The following DENND5B variants were observed in gnomAD, a reference collection of about 807,000 sequenced individuals.
The protein encoded by DENND5B is DENN domain-containing protein 5B.
A neutral mutation model predicts 140.6 loss-of-function variants in DENND5B; 34 were observed. That is an observed-to-expected ratio of 0.24 (90% CI 0.18 to 0.32). The LOEUF is 0.32. Among genes scored for constraint, DENND5B ranks in the 10% least tolerant of loss-of-function variants. The pLI, the probability that DENND5B is intolerant of heterozygous loss-of-function variation, is 1.00. For missense variants in DENND5B, 1,142 were observed against 1,560.2 expected (o/e 0.73, Z 4.52); for synonymous variants, 551 against 562.1 (o/e 0.98, Z 0.28).
chr12:31,501,371 CTG>C (rs1188548473), intron 1 of DENND5B, among the ~76,000 whole-genome samples: 2 of 152,234 alleles, frequency 1.3e-5, no homozygotes, highest in African/African-American at 2.4e-5. Context: ...CCCTATGGAA[CTG>C]TGAGTCAATT....
At chr12:31,492,829 A>G (rs555410872) in intron 2 of DENND5B, among the ~76,000 whole-genome samples, 1 of 152,228 alleles carries the variant, frequency 6.6e-6, no homozygotes, top group Non-Finnish European at 1.5e-5. Context: ...GTTCTACATA[A>G]TATCTATAGT....
chr12:31,526,059 T>C (rs1948073528), intron 1 of DENND5B, among the ~76,000 whole-genome samples: 1 of 152,180 alleles, frequency 6.6e-6, no homozygotes, highest in South Asian at 2.1e-4. Flanking sequence ...CTTCTCCCTA[T>C]TTCTCACCTC....
At chr12:31,451,413 T>C (rs35545963) in intron 5 of DENND5B, among the ~76,000 whole-genome samples, 20,200 of 152,056 alleles carry the variant, frequency 0.13, 1,604 homozygotes, top group Non-Finnish European at 0.18. Flanking sequence ...AACCTCTGCC[T>C]CCCGGGTTCA....
chr12:31,583,217 G>A (rs572390357), intron 1 of DENND5B, among the ~76,000 whole-genome samples: 24 of 152,022 alleles, frequency 1.6e-4, no homozygotes, highest in East Asian at 5.8e-4. Context: ...ACTTGAACCC[G>A]GGAGGCGGAG....
At chr12:31,445,291 C>G (rs1310125719) in intron 6 of DENND5B, among the ~76,000 whole-genome samples, 1 of 152,188 alleles carries the variant, frequency 6.6e-6, no homozygotes, top group Non-Finnish European at 1.5e-5. Context: ...GAAATCAGAC[C>G]TGGATTCAAA....
intron 1 of DENND5B, among the ~76,000 whole-genome samples, chr12:31,587,962 T>C (rs1162076694): frequency 6.6e-6 from 1 of 152,216 alleles, no homozygotes; most frequent in Non-Finnish European, 1.5e-5. Flanking sequence ...ACATCAGATC[T>C]TGTCATTACT....
In DENND5B at chr12:31,423,635, T is replaced by C. The variant is rs200952512; in HGVS notation, c.2432A>G (p.Asp811Gly). 6.2e-7 allele frequency: 1 copy of C among 1,613,960 alleles called. No individual in the cohort carries two copies. The highest frequency in any genetic ancestry group is 2.2e-5 in the East Asian group (1 of 44,862). The part of the protein sequence containing the change: ...ALWSHLIQFQ[D>G]REEKQEHLAE... ...AAGGTGCTCTTGTTTCTCTTCTCTG[T>C]CCTGAAATTGAATTAAATGTGACCA... Residue 811 changes from aspartate to glycine, a missense_variant, in exon 11 of 21, where the codon GAC becomes GGC. By Grantham distance (94) the Asp-to-Gly change is moderately conservative. Transcript: ENST00000389082.
chr12:31,553,917 T>C (rs1008557409), intron 1 of DENND5B, among the ~76,000 whole-genome samples: 13 of 152,182 alleles, frequency 8.5e-5, no homozygotes, highest in Non-Finnish European at 1.3e-4. Flanking sequence ...ATTTGCTTGG[T>C]AGATCTTCCT....
At chr12:31,567,972 G>A (rs1319654510) in intron 1 of DENND5B, among the ~76,000 whole-genome samples, 3 of 152,094 alleles carry the variant, frequency 2.0e-5, no homozygotes, top group Admixed American at 1.3e-4. Flanking sequence ...TCCAAAGTAC[G>A]GGATTACAGA....
chr12:31,562,152 G>T (rs1949498643), intron 1 of DENND5B, among the ~76,000 whole-genome samples: 2 of 152,260 alleles, frequency 1.3e-5, no homozygotes, highest in Non-Finnish European at 2.9e-5. Context: ...TTCAAGTCTA[G>T]AAGTCAGAAA....
chr12:31,558,194 T>C (rs1357327476), intron 1 of DENND5B, among the ~76,000 whole-genome samples: 6 of 152,124 alleles, frequency 3.9e-5, no homozygotes, highest in African/African-American at 1.4e-4. Flanking sequence ...ACCAGACAGT[T>C]TTATTGTTCT....
rs904316292 is a variant in DENND5B at position 31,548,399 on chromosome 12, A to AAAG, written c.127+42304_127+42306dup. 1.1e-4 allele frequency among the ~76,000 whole-genome samples: 11 copies of AAAG among 98,710 alleles called. No homozygotes were observed. In the East Asian group the frequency reaches 1.7e-3, roughly 15 times the overall value. 64.8% of individuals were successfully genotyped at this position (98,710 alleles called of 152,430 possible). A position where few individuals can be genotyped will look rare whatever the true frequency, so the allele number is the denominator to read the frequency against. On this transcript the variant is annotated intron_variant, in intron 1 of 20. Transcript: ENST00000389082. ...ACATCTGTCTCAAAAAACAAAAAAA[A>AAAG]AAGAAGAAGAAAAAAAAAAGAATTT...
At chr12:31,561,857 A>T (rs1310910726) in intron 1 of DENND5B, among the ~76,000 whole-genome samples, 2 of 152,226 alleles carry the variant, frequency 1.3e-5, no homozygotes, top group Non-Finnish European at 1.5e-5. Context: ...TAGATTCATC[A>T]ATCATGCTGA....
intron 1 of DENND5B, among the ~76,000 whole-genome samples, chr12:31,576,709 C>A (rs1209583999): frequency 6.6e-6 from 1 of 151,548 alleles, no homozygotes; most frequent in Non-Finnish European, 1.5e-5. Context: ...AAAGCAAGAA[C>A]CCATCTCTAC....
chr12:31,442,695 G>C, intron 7 of DENND5B, 80 bp downstream of exon 7: 1 of 1,441,146 alleles, frequency 6.9e-7, no homozygotes, highest in East Asian at 2.3e-5. Context: ...TAATAGTTAA[G>C]CATTGTCCAT....
intron 1 of DENND5B, among the ~76,000 whole-genome samples, chr12:31,502,511 T>C (rs1306870963): frequency 6.6e-6 from 1 of 152,202 alleles, no homozygotes. Context: ...ACACAGGCTA[T>C]AACTTAGCAG....
At chr12:31,478,288 A>G (rs1238481848) in intron 3 of DENND5B, among the ~76,000 whole-genome samples, 2 of 152,234 alleles carry the variant, frequency 1.3e-5, no homozygotes, top group Non-Finnish European at 2.9e-5. Context: ...AATATAGTCT[A>G]CTTGGCTCAG....
At chr12:31,530,209 C>G (rs1265011535) in intron 1 of DENND5B, among the ~76,000 whole-genome samples, 3 of 152,034 alleles carry the variant, frequency 2.0e-5, no homozygotes. Flanking sequence ...CCTGTCTCTA[C>G]TAAAAATACA....
chr12:31,590,493 C>A (rs1592111367), intron 1 of DENND5B: 2 of 536,310 alleles, frequency 3.7e-6, no homozygotes, highest in East Asian at 8.2e-5. Flanking sequence ...CGCCTGGAGG[C>A]GAAAGCCCCG....
Sources: gnomAD v4.1 joint callset for allele counts (sites outside exome capture counted in the v4.1 genomes callset) on GRCh38, gnomAD v4.1.1 for gene constraint, MANE v1.5 for transcripts, NCBI Gene and HGNC (gene_info 2026-07-23, HGNC 2026-07-21) for gene names.